Variants in SMARCC1 observed in about 807,000 individuals in gnomAD.
SMARCC1 encodes the protein SWI/SNF related BAF chromatin remodeling complex subunit C1, also known as SWI/SNF complex subunit SMARCC1.
Under a neutral mutation model 147.4 loss-of-function variants are expected in SMARCC1, and 43 were observed. That is an observed-to-expected ratio of 0.29 (90% CI 0.23 to 0.38). The LOEUF is 0.38. Ranked by LOEUF, SMARCC1 falls within the 10% of genes least tolerant of loss-of-function variation. SMARCC1 has a pLI of 1.00. For synonymous variants in SMARCC1, 495 were observed against 484.4 expected (o/e 1.02, Z -0.29); for missense variants, 1,119 against 1,381.1 (o/e 0.81, Z 3.01).
At chr3:47,655,551 G>A (rs1460619174) in intron 21 of SMARCC1, among the ~76,000 whole-genome samples, 2 of 151,540 alleles carry the variant, frequency 1.3e-5, no homozygotes, top group Non-Finnish European at 2.9e-5. Flanking sequence ...ACAAAAATCA[G>A]CCAGGTGTCG....
At chr3:47,607,437 C>T (rs989761340) in intron 26 of SMARCC1, among the ~76,000 whole-genome samples, 2 of 152,124 alleles carry the variant, frequency 1.3e-5, no homozygotes, top group Non-Finnish European at 2.9e-5. Flanking sequence ...ATTTGCATCC[C>T]ATCCCCAAAA....
At chr3:47,702,559 C>T (rs2033936738) in intron 10 of SMARCC1, among the ~76,000 whole-genome samples, 1 of 152,226 alleles carries the variant, frequency 6.6e-6, no homozygotes, top group African/African-American at 2.4e-5. Context: ...AGTTCGAGAC[C>T]AGCCTCGGAA....
intron 11 of SMARCC1, among the ~76,000 whole-genome samples, chr3:47,698,315 T>G (rs1442454297): frequency 2.6e-5 from 4 of 152,246 alleles, no homozygotes; most frequent in Non-Finnish European, 4.4e-5. Flanking sequence ...CTTCCTGAAA[T>G]TGATGAAACA....
intron 21 of SMARCC1, among the ~76,000 whole-genome samples, chr3:47,639,727 C>CAACA (rs1200056535): frequency 6.6e-6 from 1 of 151,072 alleles, no homozygotes; most frequent in African/African-American, 2.4e-5. Context: ...ACCAACCAAC[C>CAACA]AACCAACCAA....
chr3:47,759,410 C>G (rs1409446253), intron 2 of SMARCC1, among the ~76,000 whole-genome samples: 1 of 144,966 alleles, frequency 6.9e-6, no homozygotes, highest in South Asian at 2.2e-4. Context: ...ATCACAAGGT[C>G]GGGAGTTCAA....
chr3:47,593,235 G>T (rs1195333708), intron 26 of SMARCC1, among the ~76,000 whole-genome samples: 2 of 150,630 alleles, frequency 1.3e-5, no homozygotes, highest in South Asian at 4.2e-4. Flanking sequence ...GCTGTGTCGC[G>T]ATCCTGGCTC....
intron 1 of SMARCC1, among the ~76,000 whole-genome samples, chr3:47,780,168 GTTTTTT>G (rs10662354): frequency 1.6e-5 from 1 of 61,882 alleles, no homozygotes; most frequent in Non-Finnish European, 2.8e-5. Context: ...GTTTTTTTTT[GTTTTTT>G]TTTTTTTTTT....
chr3:47,680,554 T>TC (rs1241253548), intron 14 of SMARCC1, 46 bp from the exon 15 acceptor site: 1 of 1,285,648 alleles, frequency 7.8e-7, no homozygotes, highest in African/African-American at 1.6e-5. Context: ...CTTTTTTTTT[T>TC]TTTTTTTTTT....
At chr3:47,757,193 G>C (rs1004288264) in intron 2 of SMARCC1, among the ~76,000 whole-genome samples, 5 of 152,184 alleles carry the variant, frequency 3.3e-5, no homozygotes, top group Admixed American at 2.6e-4. Flanking sequence ...TGAGGCCGCA[G>C]TGAGCTATGA....
At chr3:47,606,137 A>G (rs1340808391) in intron 26 of SMARCC1, among the ~76,000 whole-genome samples, 1 of 152,220 alleles carries the variant, frequency 6.6e-6, no homozygotes, top group Non-Finnish European at 1.5e-5. Context: ...GCACTCAATA[A>G]TTCTTTCCTT....
chr3:47,678,972 G>A (rs760270697), intron 15 of SMARCC1, among the ~76,000 whole-genome samples: 9 of 151,996 alleles, frequency 5.9e-5, no homozygotes, highest in Non-Finnish European at 1.0e-4. Flanking sequence ...GATCACGGCG[G>A]GGCAATAAGT....
rs371337052 is a variant in SMARCC1, at chr3:47,686,265, T to C, written c.1264-95A>G. On this transcript the variant is annotated intron_variant, in intron 13 of 27. Coordinates refer to ENST00000254480, the MANE Select transcript of SMARCC1 (RefSeq NM_003074.4). ...ACTTCAGTTGTTAGGTTAAATAAAA[T>C]GAAGCTCCCCGATTCGATCAGATAT... The C allele has an allele frequency of 7.1e-6, 7 of 983,356 alleles. No individual in the cohort carries two copies. In the East Asian group the frequency reaches 1.0e-4, roughly 15 times the overall value. The allele number at this position is 983,356 out of a possible 1,614,324, so 60.9% of individuals were successfully genotyped here. A position where few individuals can be genotyped will look rare whatever the true frequency, so the allele number is the denominator to read the frequency against.
At chr3:47,681,863 T>G (rs911801131) in intron 14 of SMARCC1, among the ~76,000 whole-genome samples, 2 of 152,096 alleles carry the variant, frequency 1.3e-5, no homozygotes, top group African/African-American at 4.8e-5. Context: ...AATGTTTTCA[T>G]TGTTACAGGT....
At position 47,633,117 on chromosome 3, in the gene SMARCC1, G is replaced by T. The variant is rs572755740; in HGVS notation, c.2646+2073C>A. Among the ~76,000 whole-genome samples the T allele has an allele frequency of 5.3e-5, 8 of 152,202 alleles. No homozygotes were observed. The South Asian group carries it at 1.7e-3, about 32-fold the overall frequency. ...GAAACGGATGCTTGTGACATAGGTG[G>T]GCCCAGTTTGTCAAAAATTCACAAA... On this transcript the variant is annotated intron_variant, in intron 24 of 27. Coordinates refer to ENST00000254480, the MANE Select transcript of SMARCC1 (RefSeq NM_003074.4).
intron 5 of SMARCC1, among the ~76,000 whole-genome samples, chr3:47,730,299 G>A (rs1396126109): frequency 6.6e-6 from 1 of 152,172 alleles, no homozygotes; most frequent in Non-Finnish European, 1.5e-5. Flanking sequence ...ACTAGTCTGG[G>A]CAACACAGTG....
At chr3:47,688,307 T>A (rs1397848568) in intron 13 of SMARCC1, among the ~76,000 whole-genome samples, 1 of 1,046 alleles carries the variant, frequency 9.6e-4, no homozygotes, top group Non-Finnish European at 6.1e-3. Context: ...ATAACTTTGA[T>A]TTTTTTTTTT....
chr3:47,662,474 T>C lies in SMARCC1; in HGVS notation c.2018A>G (p.Asn673Ser). ...RLPIEDPYLE[N>S]SDASLGPLAY... Reference sequence around the variant, plus strand: ...CAAAGGCCCAAGGGAAGCATCTGAATTCTCAAGGTATGGGTCCTCAATGGG... The same window carrying C: ...CAAAGGCCCAAGGGAAGCATCTGAACTCTCAAGGTATGGGTCCTCAATGGG... Residue 673 changes from asparagine to serine, a missense_variant, in exon 20 of 28, where the codon AAT becomes AGT. Physicochemically the swap from Asn to Ser is conservative, Grantham distance 46 (BLOSUM62 1). Transcript: ENST00000254480. 1 of 1,614,176 alleles carries C rather than the reference T, an allele frequency of 6.2e-7. No homozygotes were observed. The highest frequency in any genetic ancestry group is 8.5e-7 in the Non-Finnish European group (1 of 1,180,032).
chr3:47,778,075 C>T (rs185941707), intron 1 of SMARCC1, among the ~76,000 whole-genome samples: 18 of 150,252 alleles, frequency 1.2e-4, no homozygotes, highest in East Asian at 4.0e-4. Context: ...AGCGTGGTGG[C>T]GGGTGCCTGT....
At chr3:47,729,122 AAAAT>A in intron 5 of SMARCC1, 28 bp from the exon 6 acceptor site, 3 of 1,504,012 alleles carry the variant, frequency 2.0e-6, no homozygotes, top group Non-Finnish European at 2.8e-6. Flanking sequence ...AAAAACCACA[AAAAT>A]AAAGCACATG....
Sources: allele counts gnomAD v4.1 joint callset (sites outside exome capture counted in the v4.1 genomes callset), GRCh38; gene constraint gnomAD v4.1.1; transcripts MANE v1.5; gene names NCBI Gene and HGNC (gene_info 2026-07-23, HGNC 2026-07-21).